ITGAM: variants seen among roughly 807,000 people sequenced by gnomAD.
ITGAM encodes the protein integrin alpha-M.
Under a neutral mutation model 137.5 loss-of-function variants are expected in ITGAM, and 79 were observed. The observed-to-expected ratio is 0.57, with a 90% CI of 0.48 to 0.69. The LOEUF (loss-of-function observed/expected upper bound fraction) is 0.69. Among genes scored for constraint, ITGAM ranks in the 30% least tolerant of loss-of-function variants. The pLI is 0.00. For synonymous variants in ITGAM, 583 were observed against 592.3 expected (o/e 0.98, Z 0.23); for missense variants, 1,343 against 1,483.5 (o/e 0.91, Z 1.56).
At chr16:31,260,644 T>A (rs1348197632) in intron 1 of ITGAM, among the ~76,000 whole-genome samples, 1 of 152,226 alleles carries the variant, frequency 6.6e-6, no homozygotes, top group Non-Finnish European at 1.5e-5. Flanking sequence ...GAAACTTCAC[T>A]GTTGGGCAAA....
chr16:31,324,895 T>G lies in ITGAM; in HGVS notation c.2290-63T>G, dbSNP rs1198092586. 12 of 1,554,408 alleles carry G rather than the reference T, an allele frequency of 7.7e-6. No homozygotes were observed. The Admixed American group carries it at 2.4e-4, about 31-fold the overall frequency. On this transcript the variant is annotated intron_variant, in intron 18 of 29. Transcript: ENST00000544665. The surrounding 1 kb of genome is among the most constrained non-coding windows in gnomAD (Gnocchi z 4.5). The stretch of plus-strand genomic sequence containing the variant: ...TTTACTTCAACATTTGATTTTATTG[T>G]TTAATTTCACAATACTTGGTTATTT...
intron 14 of ITGAM, among the ~76,000 whole-genome samples, chr16:31,308,392 C>T (rs925534167): frequency 4.6e-5 from 7 of 152,012 alleles, no homozygotes; most frequent in African/African-American, 1.2e-4. Context: ...GTGTATGTGT[C>T]GAGGAATTTA....
chr16:31,265,469 C>T lies in ITGAM; in HGVS notation c.209C>T (p.Thr70Ile). 6.2e-7 allele frequency: 1 copy of T among 1,604,860 alleles called. No individual in the cohort carries two copies. The highest frequency in any genetic ancestry group is 8.5e-7 in the Non-Finnish European group (1 of 1,175,900). The change falls in exon 3 of 30, where the codon ACA (threonine) becomes ATA (isoleucine). Residue 70 changes from threonine to isoleucine, a missense_variant. Physicochemically the swap from Thr to Ile is moderately conservative, Grantham distance 89. Transcript: ENST00000544665. The part of the protein sequence containing the change: ...RGSLYQCDYS[T>I]GSCEPIRLQV... The stretch of plus-strand genomic sequence containing the variant: ...AGCCTCTACCAGTGCGACTACAGCA[C>T]AGGCTCATGCGAGCCCATCCGCCTG...
intron 19 of ITGAM, 75 bp downstream of exon 19, chr16:31,325,106 C>T: frequency 2.7e-6 from 4 of 1,497,070 alleles, no homozygotes; most frequent in Non-Finnish European, 3.6e-6. Flanking sequence ...CTCCTGGCCC[C>T]CAAGGGAGCC....
chr16:31,321,451 G>A lies in ITGAM; in HGVS notation c.1839-13G>A, dbSNP rs747327094. 1.2e-6 allele frequency: 2 copies of A among 1,613,736 alleles called. No homozygotes were observed. Among genetic ancestry groups the A allele is most frequent in the African/African-American group, 2.7e-5 (2 of 74,894 alleles). Reference sequence around the variant, plus strand: ...GTTTGAAGGTCCCTGATGGTTTTCTGGTGTCCCTTTAGGTCCCAGCCAGTA... The same window carrying A: ...GTTTGAAGGTCCCTGATGGTTTTCTAGTGTCCCTTTAGGTCCCAGCCAGTA... On this transcript the variant is annotated splice_polypyrimidine_tract_variant and intron_variant, in intron 15 of 29. Transcript: ENST00000544665.
intron 14 of ITGAM, among the ~76,000 whole-genome samples, chr16:31,302,938 T>C (rs1305042201): frequency 1.5e-4 from 12 of 80,802 alleles, no homozygotes; most frequent in African/African-American, 5.1e-4. Flanking sequence ...CTTTCTTTCT[T>C]TCTTTCTTTC....
chr16:31,277,569 G>T (rs1389130491), intron 11 of ITGAM, among the ~76,000 whole-genome samples: 1 of 152,056 alleles, frequency 6.6e-6, no homozygotes, highest in Non-Finnish European at 1.5e-5. Context: ...TGTCGGTCAG[G>T]CTGGTCGCGA....
At chr16:31,311,960 A>G (rs1467016756) in intron 14 of ITGAM, among the ~76,000 whole-genome samples, 1 of 152,088 alleles carries the variant, frequency 6.6e-6, no homozygotes, top group Non-Finnish European at 1.5e-5. Context: ...CAGCCATAAA[A>G]AAGGATGAGT....
chr16:31,330,022 C>T, intron 25 of ITGAM, 59 bp from the exon 26 acceptor site: 1 of 1,569,364 alleles, frequency 6.4e-7, no homozygotes, highest in South Asian at 1.1e-5. Flanking sequence ...ATCTCACCTC[C>T]CGAGATGAGG....
At chr16:31,320,207 A>C (rs1405446469) in intron 14 of ITGAM, among the ~76,000 whole-genome samples, 1 of 152,172 alleles carries the variant, frequency 6.6e-6, no homozygotes, top group Non-Finnish European at 1.5e-5. Context: ...TTTTAAGCTG[A>C]TAACAACTGA....
chr16:31,274,232 C>T (rs1469835162), intron 8 of ITGAM, among the ~76,000 whole-genome samples: 1 of 152,160 alleles, frequency 6.6e-6, no homozygotes, highest in Admixed American at 6.5e-5. Flanking sequence ...ATATTGCAAA[C>T]CATATATAAT....
rs2080591140 is a variant in ITGAM, at chr16:31,331,906, T to C, written c.*199T>C. The C allele has an allele frequency of 2.1e-5, 12 of 569,518 alleles. No homozygotes were observed. The highest frequency in any genetic ancestry group is 1.1e-4 in the South Asian group (5 of 46,878). 35.3% of individuals were successfully genotyped at this position (569,518 alleles called of 1,614,324 possible). On this transcript the variant is annotated 3_prime_UTR_variant, in exon 30 of 30. Coordinates refer to ENST00000544665, the MANE Select transcript of ITGAM (RefSeq NM_000632.4). ...GCAAGTGTGTGCACATGTGTGCGTG[T>C]GCGTGCATGTGCACTTGCACGCCCA...
At chr16:31,270,740 TA>T (rs1207870037) in intron 5 of ITGAM, among the ~76,000 whole-genome samples, 167 of 114,304 alleles carry the variant, frequency 1.5e-3, no homozygotes, top group Non-Finnish European at 2.3e-3. Context: ...TATATATATA[TA>T]TATGTTTTTA....
intron 12 of ITGAM, among the ~76,000 whole-genome samples, chr16:31,280,889 C>T (rs12716985): frequency 0.17 from 26,531 of 152,094 alleles, 2,888 homozygotes; most frequent in African/African-American, 0.3. Flanking sequence ...TGAGATACGT[C>T]CCATCAATAC....
In ITGAM at chr16:31,266,110, A is replaced by G. The variant is rs751952192; in HGVS notation, c.390A>G (p.Leu130=). ...TCTGCTTCCTGTTTGGATCCAACCTACGGCAGCAGCCCCAGAAGTTCCCAG... is the reference window on the plus strand; with the variant it reads ...TCTGCTTCCTGTTTGGATCCAACCTGCGGCAGCAGCCCCAGAAGTTCCCAG... The part of the protein sequence containing the change: ...KGLCFLFGSN[L]RQQPQKFPEA... The change falls in exon 5 of 30, where the codon CTA becomes CTG. Residue 130 remains leucine, a synonymous_variant. Transcript: ENST00000544665. 64 of 1,613,698 alleles carry G rather than the reference A, an allele frequency of 4.0e-5. No individual in the cohort carries two copies. Among genetic ancestry groups the G allele is most frequent in the Admixed American group, 2.0e-4 (12 of 59,980 alleles).
intron 12 of ITGAM, among the ~76,000 whole-genome samples, chr16:31,296,011 A>T (rs781586708): frequency 6.6e-6 from 1 of 151,602 alleles, no homozygotes; most frequent in Admixed American, 6.6e-5. Context: ...TGTTAATGTG[A>T]TATGCCACAT....
At position 31,278,026 on chromosome 16, in the gene ITGAM, C is replaced by G. The variant is rs769212075; in HGVS notation, c.1273C>G (p.Arg425Gly). 1.9e-6 allele frequency: 3 copies of G among 1,606,524 alleles called. No homozygotes were observed. The highest frequency in any genetic ancestry group is 2.5e-6 in the Non-Finnish European group (3 of 1,176,672). The change falls in exon 12 of 30, where the codon CGA (arginine) becomes GGA (glycine). Residue 425 changes from arginine to glycine, a missense_variant. Physicochemically the swap from Arg to Gly is moderately radical, Grantham distance 125 (BLOSUM62 -2). Transcript: ENST00000544665. ...RVQSLVLGAP[R>G]YQHIGLVAMF... ...GCAAAGCCTGGTTCTGGGGGCACCTCGATATCAGCACATCGGCCTGGTAGC... is the reference window on the plus strand; with the variant it reads ...GCAAAGCCTGGTTCTGGGGGCACCTGGATATCAGCACATCGGCCTGGTAGC...
intron 14 of ITGAM, among the ~76,000 whole-genome samples, chr16:31,302,475 CT>C (rs1247825779): frequency 1.2e-5 from 1 of 85,834 alleles, no homozygotes; most frequent in African/African-American, 7.6e-5. Flanking sequence ...TTCTTTCTTT[CT>C]TTCTTTCTTT....
At chr16:31,310,935 G>T (rs1216477781) in intron 14 of ITGAM, among the ~76,000 whole-genome samples, 2 of 151,670 alleles carry the variant, frequency 1.3e-5, no homozygotes, top group African/African-American at 2.4e-5. Flanking sequence ...AGCTGCTGGA[G>T]ATATAGACCA....
Sources: allele counts gnomAD v4.1 joint callset (sites outside exome capture counted in the v4.1 genomes callset), GRCh38; gene constraint gnomAD v4.1.1; non-coding constraint Gnocchi (gnomAD v3.1); transcripts MANE v1.5; gene names NCBI Gene and HGNC (gene_info 2026-07-23, HGNC 2026-07-21).